ALKBH5: variants seen among roughly 807,000 people sequenced by gnomAD.
ALKBH5 encodes alkB homolog 5, RNA demethylase, also known as RNA demethylase ALKBH5.
A neutral mutation model predicts 32.1 loss-of-function variants in ALKBH5; 2 were observed. That is an observed-to-expected ratio of 0.06 (90% CI 0.03 to 0.20). The LOEUF is 0.20. Ranked by LOEUF, ALKBH5 falls within the 10% of genes least tolerant of loss-of-function variation. The pLI is 1.00. For synonymous variants in ALKBH5, 300 were observed against 231.7 expected (o/e 1.29, Z -2.68); for missense variants, 352 against 559.5 (o/e 0.63, Z 3.74).
intron 1 of ALKBH5, among the ~76,000 whole-genome samples, 188 bp from the exon 2 acceptor site, chr17:18,194,767 A>G (rs2047196302): frequency 6.6e-6 from 1 of 152,172 alleles, no homozygotes; most frequent in Non-Finnish European, 1.5e-5. Context: ...CTTGAGTATT[A>G]CAGTCTCTTG....
At chr17:18,195,420 C>T (rs889441890) in intron 2 of ALKBH5, among the ~76,000 whole-genome samples, 1 of 152,166 alleles carries the variant, frequency 6.6e-6, no homozygotes, top group African/African-American at 2.4e-5. Context: ...TAGCAGCCTG[C>T]TTTAAAAATG....
chr17:18,185,177 C>T (rs541343970), intron 1 of ALKBH5, among the ~76,000 whole-genome samples, 164 bp downstream of exon 1: 14 of 152,228 alleles, frequency 9.2e-5, no homozygotes, highest in Admixed American at 7.2e-4. Flanking sequence ...GTTTAAGATA[C>T]CTATAGCAAG....
Position 18,208,606 on chromosome 17 carries a change from C to G in ALKBH5, c.*210C>G. 1 of 679,714 alleles carries G rather than the reference C, an allele frequency of 1.5e-6. No individual in the cohort carries two copies. Among genetic ancestry groups the G allele is most frequent in the Non-Finnish European group, 2.6e-6 (1 of 383,910 alleles). The allele number at this position is 679,714 out of a possible 1,614,324, so 42.1% of individuals were successfully genotyped here. A position where few individuals can be genotyped will look rare whatever the true frequency, so the allele number is the denominator to read the frequency against. ...CTAGGTTCTCATATTCTTGGTATTC[C>G]TCCTGGATGGAAAGGCTGTTGGCAT... On this transcript the variant is annotated 3_prime_UTR_variant, in exon 4 of 4. Transcript: ENST00000399138.
intron 1 of ALKBH5, among the ~76,000 whole-genome samples, chr17:18,186,771 T>C (rs1019875599): frequency 1.3e-5 from 2 of 152,138 alleles, no homozygotes; most frequent in African/African-American, 4.8e-5. Flanking sequence ...TTGGCTGTGG[T>C]GTTAGTGTGG....
chr17:18,201,117 T>C (rs1330521559), intron 2 of ALKBH5, among the ~76,000 whole-genome samples: 1 of 152,078 alleles, frequency 6.6e-6, no homozygotes, highest in African/African-American at 2.4e-5. Context: ...ATTCTGGACC[T>C]CGTTCCTCAG....
chr17:18,207,784 C>A (rs1824607370), intron 3 of ALKBH5, among the ~76,000 whole-genome samples: 1 of 152,052 alleles, frequency 6.6e-6, no homozygotes, highest in South Asian at 2.1e-4. Context: ...ACTGTATGAG[C>A]TAAACCCTGA....
intron 1 of ALKBH5, among the ~76,000 whole-genome samples, chr17:18,193,227 A>C (rs918731631): frequency 5.9e-5 from 5 of 84,480 alleles, no homozygotes; most frequent in African/African-American, 2.5e-4. Context: ...GTCTAGGAGC[A>C]GCTTGAGGGA....
chr17:18,190,766 C>G (rs2047169709), intron 1 of ALKBH5, among the ~76,000 whole-genome samples: 1 of 152,124 alleles, frequency 6.6e-6, no homozygotes, highest in South Asian at 2.1e-4. Context: ...ACAATTTCCA[C>G]AAGGCCAGAT....
At chr17:18,194,911 GTCTGTCTACTCTT>G (rs765023374) in intron 1 of ALKBH5, 31 bp from the exon 2 acceptor site, 2 of 1,590,448 alleles carry the variant, frequency 1.3e-6, no homozygotes, top group Admixed American at 3.4e-5. Context: ...AACTTTGGTT[GTCTGTCTACTCTT>G]CATGGTCACA....
Position 18,208,452 on chromosome 17 carries a change from T to G in ALKBH5, c.*56T>G, listed in dbSNP as rs770325070. 6.3e-6 allele frequency: 10 copies of G among 1,588,958 alleles called. No individual in the cohort carries two copies. Among genetic ancestry groups the G allele is most frequent in the Admixed American group, 5.3e-5 (3 of 56,608 alleles). ...CTCATCCTTACGTAGTTGCCCCTCC[T>G]TTTGTTTTGAGGGTTTTGTTTTTGT... On this transcript the variant is annotated 3_prime_UTR_variant, in exon 4 of 4. Coordinates refer to ENST00000399138, the MANE Select transcript of ALKBH5 (RefSeq NM_017758.4).
At position 18,203,721 on chromosome 17, in the gene ALKBH5, G is replaced by A. The variant is rs139013985; in HGVS notation, c.852-3094G>A. Among the ~76,000 whole-genome samples, 13 of 152,360 alleles carry A rather than the reference G, an allele frequency of 8.5e-5. No homozygotes were observed. The East Asian group carries it at 2.5e-3, about 29-fold the overall frequency. On this transcript the variant is annotated intron_variant, in intron 2 of 3. Transcript: ENST00000399138. ...TAACAGGGGCATGTTCTGAAGTTAA[G>A]CTACTGGTGGGCACTGGGCTTGGAG...
intron 1 of ALKBH5, among the ~76,000 whole-genome samples, chr17:18,192,866 T>C (rs1026908268): frequency 3.4e-5 from 3 of 88,610 alleles, no homozygotes; most frequent in Admixed American, 2.2e-4. Flanking sequence ...TTTTTTTTTT[T>C]TTTTTTTTTT....
intron 1 of ALKBH5, among the ~76,000 whole-genome samples, chr17:18,192,859 T>C (rs1304074625): frequency 1.1e-4 from 9 of 84,480 alleles, no homozygotes; most frequent in African/African-American, 1.7e-4. Context: ...TTTTTCTTTT[T>C]TTTTTTTTTT....
At chr17:18,202,387 C>T (rs995297212) in intron 2 of ALKBH5, among the ~76,000 whole-genome samples, 4 of 152,110 alleles carry the variant, frequency 2.6e-5, no homozygotes, top group South Asian at 2.1e-4. Context: ...GGGAGAGTCC[C>T]GTGAGGGGAG....
chr17:18,208,079 A>G, intron 3 of ALKBH5, 140 bp from the exon 4 acceptor site: 5 of 858,414 alleles, frequency 5.8e-6, no homozygotes, highest in Non-Finnish European at 8.9e-6. Context: ...CTCCGATACC[A>G]GGGCCTCTGC....
In ALKBH5 at chr17:18,208,126, T is replaced by C. The variant is rs2142492888; in HGVS notation, c.1008-93T>C. 2.9e-6 allele frequency: 4 copies of C among 1,368,934 alleles called. No homozygotes were observed. The South Asian group carries it at 4.2e-5, about 14-fold the overall frequency. The allele number at this position is 1,368,934 out of a possible 1,614,324, so 84.8% of individuals were successfully genotyped here. ...TTCGTTGAGGACCACTGAGCTGAAG[T>C]GACCCATCCCAAGGATGAGACGAGG... On this transcript the variant is annotated intron_variant, in intron 3 of 3. Coordinates refer to ENST00000399138, the MANE Select transcript of ALKBH5 (RefSeq NM_017758.4).
chr17:18,201,365 G>T (rs1341427769), intron 2 of ALKBH5, among the ~76,000 whole-genome samples: 1 of 152,220 alleles, frequency 6.6e-6, no homozygotes, highest in African/African-American at 2.4e-5. Context: ...ACAAACTTGG[G>T]CTTCTGCCCT....
At chr17:18,203,072 A>T (rs1380948277) in intron 2 of ALKBH5, among the ~76,000 whole-genome samples, 81 of 34,960 alleles carry the variant, frequency 2.3e-3, no homozygotes, top group Middle Eastern at 0.021. Flanking sequence ...ATTGTCTTTT[A>T]AAAAAAAAAA....
At chr17:18,191,813 C>T (rs549313243) in intron 1 of ALKBH5, among the ~76,000 whole-genome samples, 1 of 152,036 alleles carries the variant, frequency 6.6e-6, no homozygotes. Context: ...ACTAAACATA[C>T]AAAAATTAGC....
Sources: allele counts gnomAD v4.1 joint callset (sites outside exome capture counted in the v4.1 genomes callset), GRCh38; gene constraint gnomAD v4.1.1; transcripts MANE v1.5; gene names NCBI Gene and HGNC (gene_info 2026-07-23, HGNC 2026-07-21).